The following OGG1 variants were observed in gnomAD, a reference collection of about 807,000 sequenced individuals.
OGG1 encodes the protein 8-oxoguanine DNA glycosylase, also known as N-glycosylase/DNA lyase.
OGG1 carries 35 observed loss-of-function variants against 42.3 expected under a neutral mutation model. The observed-to-expected ratio is 0.83, with a 90% CI of 0.63 to 1.10. The LOEUF (loss-of-function observed/expected upper bound fraction) is 1.10, where lower values mean the gene tolerates loss of function less well. Ranked by LOEUF, OGG1 falls within the 50% of genes least tolerant of loss-of-function variation. The pLI, the probability that OGG1 is intolerant of heterozygous loss-of-function variation, is 0.00. For missense variants in OGG1, 484 were observed against 446.7 expected (o/e 1.08, Z -0.75); for synonymous variants, 189 against 179.0 (o/e 1.06, Z -0.44).
intron 3 of OGG1, chr3:9,787,714 G>A (rs1285229665): frequency 7.6e-7 from 1 of 1,309,498 alleles, no homozygotes; most frequent in East Asian, 5.2e-5. Context: ...CTGTCTGTAT[G>A]AACTCTTTTT....
intron 7 of OGG1, chr3:9,763,097 C>G (rs201946193): frequency 9.0e-5 from 145 of 1,613,948 alleles, no homozygotes; most frequent in Non-Finnish European, 1.2e-4. Context: ...GTTGGGACAG[C>G]TGGGAGAGGT....
downstream of OGG1, chr3:9,767,693 G>A: frequency 6.2e-7 from 1 of 1,614,148 alleles, no homozygotes; most frequent in South Asian, 1.1e-5. Flanking sequence ...GGAAGTCGTA[G>A]ATGTCTCTAA....
chr3:9,786,870 A>T (rs1374297284), intron 3 of OGG1: 9 of 711,602 alleles, frequency 1.3e-5, no homozygotes, highest in Non-Finnish European at 2.2e-5. Context: ...GCTATATATT[A>T]GTCCAGGTTT....
chr3:9,766,616 T>G lies in OGG1; in HGVS notation c.*785T>G, dbSNP rs972927199. 3 of 1,042,634 alleles carry G rather than the reference T, an allele frequency of 2.9e-6. No homozygotes were observed. The African/African-American group carries it at 5.1e-5, about 18-fold the overall frequency. The allele number at this position is 1,042,634 out of a possible 1,614,324, so 64.6% of individuals were successfully genotyped here. A position where few individuals can be genotyped will look rare whatever the true frequency, so the allele number is the denominator to read the frequency against. ...TAAGAAGCAGTGTTTTAGAACAGGT[T>G]CTTAAAAAGGAACAAATAAACTCAT... On this transcript the variant is annotated 3_prime_UTR_variant, in exon 8 of 8. Transcript: ENST00000302008.
chr3:9,764,143 A>C (rs1005044728), intron 7 of OGG1, among the ~76,000 whole-genome samples: 1 of 152,166 alleles, frequency 6.6e-6, no homozygotes, highest in African/African-American at 2.4e-5. Flanking sequence ...ACCTCTCTGA[A>C]CCTCAGTTTC....
At chr3:9,752,817 G>A (rs2471896) in intron 3 of OGG1, among the ~76,000 whole-genome samples, 3 of 152,128 alleles carry the variant, frequency 2.0e-5, no homozygotes, top group Non-Finnish European at 4.4e-5. Context: ...TTGGGAGGTC[G>A]AGGCAGGCAG....
intron 4 of OGG1, among the ~76,000 whole-genome samples, chr3:9,755,544 A>G (rs1052654478): frequency 2.7e-5 from 4 of 150,622 alleles, no homozygotes; most frequent in Non-Finnish European, 5.9e-5. Context: ...GCTCACTGCA[A>G]CCTCCGCCTC....
At chr3:9,760,289 T>C (rs1327895398), downstream of OGG1, 1 of 209,798 alleles carries the variant, frequency 4.8e-6, no homozygotes, top group Non-Finnish European at 9.7e-6. Context: ...CTAATCTCAG[T>C]GCATTCACAC....
intron 2 of OGG1, chr3:9,780,434 G>A (rs755530904): frequency 6.2e-7 from 1 of 1,611,272 alleles, no homozygotes; most frequent in Non-Finnish European, 8.5e-7. Flanking sequence ...TTCTTGGTGG[G>A]AGTCCGCTTC....
intron 3 of OGG1, chr3:9,781,608 A>G (rs1295791249): frequency 2.2e-6 from 1 of 455,974 alleles, no homozygotes; most frequent in South Asian, 1.5e-5. Context: ...GAGGTGGGTG[A>G]GACACCAGAT....
intron 3 of OGG1, among the ~76,000 whole-genome samples, chr3:9,786,475 T>A (rs1052605728): frequency 6.6e-6 from 1 of 152,126 alleles, no homozygotes; most frequent in Non-Finnish European, 1.5e-5. Context: ...TGAGGGTGTG[T>A]CTAAGGTCAA....
At chr3:9,762,841 G>T in intron 7 of OGG1, 1 of 1,507,584 alleles carries the variant, frequency 6.6e-7, no homozygotes, top group Non-Finnish European at 9.1e-7. Flanking sequence ...AGTTGCCCAA[G>T]GTCAGACAGT....
intron 2 of OGG1, among the ~76,000 whole-genome samples, chr3:9,775,101 G>C (rs1028566671): frequency 3.3e-5 from 5 of 151,884 alleles, no homozygotes; most frequent in Admixed American, 3.3e-4. Flanking sequence ...TTAGCTGGGC[G>C]TGGTGGCACA....
chr3:9,784,870 A>G (rs2078569657), intron 3 of OGG1, among the ~76,000 whole-genome samples: 1 of 152,014 alleles, frequency 6.6e-6, no homozygotes, highest in Admixed American at 6.6e-5. Flanking sequence ...ATCTCAAAAA[A>G]AAAAAAAGAA....
intron 3 of OGG1, chr3:9,786,997 G>C: frequency 1.9e-6 from 3 of 1,612,022 alleles, no homozygotes; most frequent in Non-Finnish European, 2.5e-6. Context: ...TTTGGGTTAG[G>C]CTGCTCACCT....
chr3:9,756,427 A>G, intron 4 of OGG1, 44 bp from the exon 5 acceptor site: 1 of 1,611,148 alleles, frequency 6.2e-7, no homozygotes, highest in Non-Finnish European at 8.5e-7. Flanking sequence ...TGCTGGCCAC[A>G]TGCTGCCCTT....
At chr3:9,762,799 G>C in intron 7 of OGG1, 1 of 998,246 alleles carries the variant, frequency 1.0e-6, no homozygotes, top group Non-Finnish European at 1.5e-6. Flanking sequence ...CCACTTTGTA[G>C]ATGGAAATCC....
At chr3:9,788,447 G>A (rs1295151007), downstream of OGG1, among the ~76,000 whole-genome samples, 6 of 151,158 alleles carry the variant, frequency 4.0e-5, no homozygotes, top group African/African-American at 1.2e-4. Context: ...GGGTTTCACC[G>A]TGTTAGCCAG....
downstream of OGG1, chr3:9,760,101 G>A (rs933767092): frequency 3.1e-5 from 7 of 225,220 alleles, no homozygotes; most frequent in African/African-American, 1.1e-4. Flanking sequence ...AAAATTAGCC[G>A]GGCATGGTGG....
Sources: allele counts gnomAD v4.1 joint callset (sites outside exome capture counted in the v4.1 genomes callset), GRCh38; gene constraint gnomAD v4.1.1; transcripts MANE v1.5; gene names NCBI Gene and HGNC (gene_info 2026-07-23, HGNC 2026-07-21).